Variants in UBR2 observed in about 807,000 individuals in gnomAD.
UBR2 encodes E3 ubiquitin-protein ligase UBR2.
A neutral mutation model predicts 247.9 loss-of-function variants in UBR2; 92 were observed. That is an observed-to-expected ratio of 0.37 (90% CI 0.31 to 0.44). The LOEUF is 0.44. Ranked by LOEUF, UBR2 falls within the 20% of genes least tolerant of loss-of-function variation. The pLI is 1.00. For synonymous variants in UBR2, 672 were observed against 693.5 expected (o/e 0.97, Z 0.49); for missense variants, 1,613 against 2,112.6 (o/e 0.76, Z 4.64).
In UBR2 at chr6:42,659,478, T is replaced by C. The variant is rs1797652063; in HGVS notation, c.3243-178T>C. The stretch of plus-strand genomic sequence containing the variant: ...ATTGTGCCACTCACCCCAGCCTGGG[T>C]GACAGAGCAAGACTCTGTCTCAAAA... On this transcript the variant is annotated intron_variant, in intron 29 of 46. Coordinates refer to ENST00000372901, the MANE Select transcript of UBR2 (RefSeq NM_001363705.2). This position sits in a 1 kb window ranked among gnomAD's most constrained non-coding sequence, Gnocchi z 4.3. 6.6e-6 allele frequency among the ~76,000 whole-genome samples: 1 copy of C among 150,684 alleles called. No homozygotes were observed. The highest frequency in any genetic ancestry group is 1.5e-5 in the Non-Finnish European group (1 of 67,790).
chr6:42,626,354 A>G (rs998556604), intron 11 of UBR2, among the ~76,000 whole-genome samples: 3 of 152,136 alleles, frequency 2.0e-5, no homozygotes, highest in African/African-American at 7.2e-5. Context: ...GGTTGTTTAG[A>G]AAGGTTTGTT....
chr6:42,681,212 C>A (rs1329910994), intron 42 of UBR2, among the ~76,000 whole-genome samples: 3 of 145,948 alleles, frequency 2.1e-5, no homozygotes, highest in Non-Finnish European at 4.5e-5. Context: ...CATGGCGAAA[C>A]CCCATCTCTA....
chr6:42,578,362 C>T (rs879446600), intron 2 of UBR2, among the ~76,000 whole-genome samples: 5 of 152,072 alleles, frequency 3.3e-5, no homozygotes, highest in Admixed American at 2.0e-4. Flanking sequence ...TATGATCTTA[C>T]CCAAATCCCA....
intron 24 of UBR2, among the ~76,000 whole-genome samples, 190 bp from the exon 25 acceptor site, chr6:42,652,301 A>G (rs1797167932): frequency 6.6e-6 from 1 of 152,196 alleles, no homozygotes; most frequent in Admixed American, 6.5e-5. Flanking sequence ...AGGGGAAAAG[A>G]TAGACTTTCT....
chr6:42,685,732 T>A (rs972395938), intron 44 of UBR2, among the ~76,000 whole-genome samples: 1 of 151,928 alleles, frequency 6.6e-6, no homozygotes, highest in African/African-American at 2.4e-5. Flanking sequence ...TAGTATCAAA[T>A]ATTTAACATA....
intron 11 of UBR2, chr6:42,619,736 A>G (rs1582557113): frequency 6.2e-6 from 1 of 161,424 alleles, no homozygotes; most frequent in Non-Finnish European, 1.3e-5. Flanking sequence ...GTATCCAAAA[A>G]AAAAAAGTTC....
At chr6:42,649,213 G>A (rs1796963432) in intron 22 of UBR2, among the ~76,000 whole-genome samples, 1 of 152,126 alleles carries the variant, frequency 6.6e-6, no homozygotes, top group Admixed American at 6.5e-5. Flanking sequence ...TCACCATGTT[G>A]ACCAGGCTGG....
intron 26 of UBR2, among the ~76,000 whole-genome samples, chr6:42,656,900 C>A (rs958268832): frequency 6.6e-6 from 1 of 152,042 alleles, no homozygotes; most frequent in Non-Finnish European, 1.5e-5. Flanking sequence ...AGAATAACCA[C>A]ACAGAATACT....
intron 17 of UBR2, 148 bp from the exon 18 acceptor site, chr6:42,642,268 A>T: frequency 1.6e-6 from 1 of 624,652 alleles, no homozygotes; most frequent in Non-Finnish European, 2.8e-6. Context: ...GTAATTAATT[A>T]ATCTTTACTA....
At chr6:42,622,659 C>T (rs1795065621) in intron 11 of UBR2, among the ~76,000 whole-genome samples, 1 of 151,088 alleles carries the variant, frequency 6.6e-6, no homozygotes. Context: ...CCACCTCGGC[C>T]TCCCAAAGTG....
intron 2 of UBR2, among the ~76,000 whole-genome samples, chr6:42,582,406 A>G (rs1791972061): frequency 6.6e-6 from 1 of 152,070 alleles, no homozygotes; most frequent in Non-Finnish European, 1.5e-5. Context: ...CATTGGTTTC[A>G]GGATATTACC....
intron 1 of UBR2, among the ~76,000 whole-genome samples, chr6:42,567,376 G>T (rs1052794582): frequency 2.0e-5 from 3 of 152,028 alleles, no homozygotes; most frequent in African/African-American, 7.3e-5. Context: ...ACACTTCTTG[G>T]CTCTGTTTAC....
At position 42,645,558 on chromosome 6, in the gene UBR2, C is replaced by T. The variant is rs1238791440; in HGVS notation, c.2377C>T (p.His793Tyr). Residue 793 changes from histidine to tyrosine, a missense_variant, in exon 21 of 47, where the codon CAT becomes TAT. His to Tyr is a moderately conservative substitution (Grantham distance 83). This residue lies in a region of UBR2 where 1,524 missense variants were observed against 1,967.3 expected (regional missense o/e 0.77). Coordinates refer to ENST00000372901, the MANE Select transcript of UBR2 (RefSeq NM_001363705.2). ...IHQLSIKPMA[H>Y]SELVKSLPED... ...TCAGTTGAGTATCAAGCCTATGGCT[C>T]ATAGTGAATTGGTAAAGTCTTTACC... The T allele has an allele frequency of 5.6e-6, 9 of 1,613,648 alleles. No homozygotes were observed. The highest frequency in any genetic ancestry group is 7.6e-6 in the Non-Finnish European group (9 of 1,179,812).
chr6:42,689,540 T>C lies in UBR2; in HGVS notation c.5025-29T>C, dbSNP rs375498590. 6.3e-7 allele frequency: 1 copy of C among 1,595,228 alleles called. No homozygotes were observed. The highest frequency in any genetic ancestry group is 8.6e-7 in the Non-Finnish European group (1 of 1,162,840). On this transcript the variant is annotated intron_variant, in intron 45 of 46. Transcript: ENST00000372901. This position sits in a 1 kb window ranked among gnomAD's most constrained non-coding sequence, Gnocchi z 4.0. ...CAAATGTTGGTTACTAATGTGTAAA[T>C]GTGTAACGTATGACTGATCTCTCTA... is the stretch of plus-strand genomic sequence containing the variant.
intron 11 of UBR2, among the ~76,000 whole-genome samples, chr6:42,625,812 TC>T (rs914924273): frequency 4.0e-5 from 6 of 148,796 alleles, no homozygotes; most frequent in Non-Finnish European, 1.5e-5. Context: ...GATTTATTTT[TC>T]CCCCCTTTTT....
At chr6:42,669,698 C>G (rs888079916) in intron 34 of UBR2, among the ~76,000 whole-genome samples, 8 of 152,192 alleles carry the variant, frequency 5.3e-5, no homozygotes, top group Admixed American at 5.2e-4. Flanking sequence ...GTGATCAGGA[C>G]ACCTCCAGTC....
At chr6:42,635,019 A>T (rs1266305639) in intron 13 of UBR2, among the ~76,000 whole-genome samples, 1 of 152,194 alleles carries the variant, frequency 6.6e-6, no homozygotes, top group Non-Finnish European at 1.5e-5. Flanking sequence ...ATTAGGACAT[A>T]ATATTAAAAC....
chr6:42,659,563 TAC>T lies in UBR2; in HGVS notation c.3243-79_3243-78del, dbSNP rs1206751081. 6,469 of 489,796 alleles carry T rather than the reference TAC, an allele frequency of 0.013. 1 individual carries two copies. Among genetic ancestry groups the T allele is most frequent in the East Asian group, 0.022 (403 of 18,078 alleles). 30.3% of individuals were successfully genotyped at this position (489,796 alleles called of 1,614,324 possible). A position where few individuals can be genotyped will look rare whatever the true frequency, so the allele number is the denominator to read the frequency against. ...CACACACACACACACACACACACACTACACACACACACACATACCTGTAGTCT... is the reference window on the plus strand; with the variant it reads ...CACACACACACACACACACACACACTACACACACACACATACCTGTAGTCT... On this transcript the variant is annotated intron_variant, in intron 29 of 46. Transcript: ENST00000372901. This position sits in a 1 kb window ranked among gnomAD's most constrained non-coding sequence, Gnocchi z 4.3.
intron 15 of UBR2, among the ~76,000 whole-genome samples, chr6:42,638,847 CA>C (rs538632850): frequency 3.6e-4 from 51 of 141,178 alleles, no homozygotes; most frequent in Admixed American, 1.9e-3. Flanking sequence ...GACTCTGTCT[CA>C]AAAAAAAAAA....
Sources: allele counts gnomAD v4.1 joint callset (sites outside exome capture counted in the v4.1 genomes callset), GRCh38; gene constraint gnomAD v4.1.1; regional missense constraint gnomAD v4.1.1; non-coding constraint Gnocchi (gnomAD v3.1); transcripts MANE v1.5; gene names NCBI Gene and HGNC (gene_info 2026-07-23, HGNC 2026-07-21).